The following TNR variants were observed in gnomAD, a reference collection of about 807,000 sequenced individuals.
TNR encodes the protein tenascin-R.
TNR carries 45 observed loss-of-function variants against 150.4 expected under a neutral mutation model. The observed-to-expected ratio is 0.30, with a 90% confidence interval of 0.24 to 0.38. The LOEUF (loss-of-function observed/expected upper bound fraction) is 0.38, where lower values mean the gene tolerates loss of function less well. TNR is among the 10% of genes least tolerant of loss of function. TNR has a pLI of 1.00. For missense variants in TNR, 1,544 were observed against 1,759.1 expected (o/e 0.88, Z 2.19); for synonymous variants, 687 against 678.4 (o/e 1.01, Z -0.20).
rs189297662 is a variant in TNR, at chr1:175,642,125, T to C, written c.-165+101101A>G. 2.6e-5 allele frequency among the ~76,000 whole-genome samples: 4 copies of C among 152,108 alleles called. No homozygotes were observed. The East Asian group carries it at 7.7e-4, about 29-fold the overall frequency. On this transcript the variant is annotated intron_variant, in intron 1 of 22. Transcript: ENST00000367674. ...GGGCCTGCAACTCAGCCCAAATGGA[T>C]AAGAAATGACAACCAGAAGGGAAGA...
intron 1 of TNR, among the ~76,000 whole-genome samples, chr1:175,564,086 G>C (rs116608810): frequency 1.3e-5 from 2 of 152,202 alleles, no homozygotes; most frequent in Admixed American, 1.3e-4. Flanking sequence ...ATAATTATTA[G>C]CTTTAAAAGT....
At chr1:175,565,480 G>T (rs778616442) in intron 1 of TNR, among the ~76,000 whole-genome samples, 12 of 152,226 alleles carry the variant, frequency 7.9e-5, no homozygotes, top group Non-Finnish European at 1.3e-4. Flanking sequence ...CCCACTGGGA[G>T]CAATTCCACG....
At chr1:175,590,916 G>C (rs567799953) in intron 1 of TNR, among the ~76,000 whole-genome samples, 1 of 152,312 alleles carries the variant, frequency 6.6e-6, no homozygotes, top group African/African-American at 2.4e-5. Flanking sequence ...AGGATCTCAC[G>C]CTAGTTATAG....
intron 2 of TNR, among the ~76,000 whole-genome samples, chr1:175,497,216 C>T (rs1658526180): frequency 6.6e-6 from 1 of 152,210 alleles, no homozygotes; most frequent in Admixed American, 6.5e-5. Context: ...CCCTCTCTTT[C>T]CTCTTCCCTT....
At position 175,398,196 on chromosome 1, in the gene TNR, T is replaced by C. The variant is rs541903436; in HGVS notation, c.977-1389A>G. 1.3e-4 allele frequency among the ~76,000 whole-genome samples: 20 copies of C among 152,228 alleles called. No individual in the cohort carries two copies. The South Asian group carries it at 1.9e-3, about 14-fold the overall frequency. ...GAGACACAAGGAGACCTTTAACAGATCCAAGACTCACAGGATAGAATCAGC... is the reference window on the plus strand; with the variant it reads ...GAGACACAAGGAGACCTTTAACAGACCCAAGACTCACAGGATAGAATCAGC... On this transcript the variant is annotated intron_variant, in intron 4 of 22. Coordinates refer to ENST00000367674, the MANE Select transcript of TNR (RefSeq NM_003285.3).
rs115775992 is a variant in TNR, at chr1:175,461,438, A to T, written c.-63-54661T>A. Among the ~76,000 whole-genome samples, 604 of 152,240 alleles carry T rather than the reference A, an allele frequency of 4.0e-3. 5 individuals are homozygous for T. The highest frequency in any genetic ancestry group is 0.014 in the African/African-American group (573 of 41,550). On this transcript the variant is annotated intron_variant, in intron 2 of 22. Transcript: ENST00000367674. ...GAGTGTCTAAAATTTTAAATATTAG[A>T]TTCACTTCCCCCAAAATTAGATAAC...
At chr1:175,589,933 A>G (rs963017845) in intron 1 of TNR, among the ~76,000 whole-genome samples, 4 of 152,208 alleles carry the variant, frequency 2.6e-5, no homozygotes, top group Non-Finnish European at 1.5e-5. Flanking sequence ...CCACCATGGC[A>G]TGTGTATACC....
intron 1 of TNR, among the ~76,000 whole-genome samples, chr1:175,643,105 T>G (rs2101882774): frequency 6.6e-6 from 1 of 152,290 alleles, no homozygotes; most frequent in East Asian, 1.9e-4. Flanking sequence ...ATGATGTTTC[T>G]CTCATTTCTC....
At chr1:175,717,561 C>G (rs984689006) in intron 1 of TNR, among the ~76,000 whole-genome samples, 1 of 152,110 alleles carries the variant, frequency 6.6e-6, no homozygotes, top group Non-Finnish European at 1.5e-5. Context: ...TGAATAAAGG[C>G]GTGAATATAT....
chr1:175,545,759 G>A (rs1025666802), intron 1 of TNR, among the ~76,000 whole-genome samples: 2 of 152,172 alleles, frequency 1.3e-5, no homozygotes, highest in South Asian at 2.1e-4. Flanking sequence ...AACTTATTCC[G>A]ATTCACACAG....
chr1:175,439,041 A>G (rs1274647758), intron 2 of TNR, among the ~76,000 whole-genome samples: 1 of 152,216 alleles, frequency 6.6e-6, no homozygotes, highest in Non-Finnish European at 1.5e-5. Flanking sequence ...GTTCATATGG[A>G]ACAAAAAATG....
intron 2 of TNR, among the ~76,000 whole-genome samples, chr1:175,441,562 T>C (rs769132704): frequency 2.6e-4 from 40 of 152,340 alleles, no homozygotes; most frequent in Non-Finnish European, 5.1e-4. Context: ...GACAACATTC[T>C]GCCAGCTATA....
intron 3 of TNR, among the ~76,000 whole-genome samples, chr1:175,405,312 G>A (rs1653895298): frequency 6.6e-6 from 1 of 152,154 alleles, no homozygotes; most frequent in South Asian, 2.1e-4. Flanking sequence ...ATAACTTCTT[G>A]TTGCTCTAGT....
In TNR at chr1:175,386,227, G is replaced by C. The variant is rs929965627; in HGVS notation, c.1582C>G (p.Arg528Gly). Residue 528 changes from arginine to glycine, a missense_variant, in exon 8 of 23, where the codon CGA (arginine) becomes GGA (glycine). Arg to Gly is a moderately radical substitution (Grantham distance 125). Coordinates refer to ENST00000367674, the MANE Select transcript of TNR (RefSeq NM_003285.3). ...AAAAGAATGAAATCGACTTTGGCTC[G>C]AGGGGGAATCCACTCCACAAAAGCC... The part of the protein sequence containing the change: ...TVAFVEWIPP[R>G]AKVDFILLKY... 2 of 1,609,492 alleles carry C rather than the reference G, an allele frequency of 1.2e-6. No homozygotes were observed. Among genetic ancestry groups the C allele is most frequent in the Non-Finnish European group, 1.7e-6 (2 of 1,176,386 alleles).
chr1:175,621,632 T>C (rs1237191928), intron 1 of TNR, among the ~76,000 whole-genome samples: 1 of 152,248 alleles, frequency 6.6e-6, no homozygotes, highest in East Asian at 1.9e-4. Context: ...TAGCACTTGC[T>C]TGATAAACTC....
At chr1:175,643,589 T>A (rs987987297) in intron 1 of TNR, among the ~76,000 whole-genome samples, 8 of 152,170 alleles carry the variant, frequency 5.3e-5, no homozygotes, top group African/African-American at 1.9e-4. Flanking sequence ...AAAGGATGGT[T>A]TGTTTGAAGG....
chr1:175,626,466 C>A (rs984106985), intron 1 of TNR, among the ~76,000 whole-genome samples: 1 of 152,176 alleles, frequency 6.6e-6, no homozygotes, highest in African/African-American at 2.4e-5. Context: ...TGGGCTCTTG[C>A]ATTTCATAGC....
chr1:175,541,739 A>G (rs552853029), intron 1 of TNR, among the ~76,000 whole-genome samples: 1 of 152,264 alleles, frequency 6.6e-6, no homozygotes, highest in South Asian at 2.1e-4. Context: ...AGGTGTGGAG[A>G]AAAGCATGTA....
In TNR at chr1:175,406,432, C is replaced by G. The variant is rs148934032; in HGVS notation, c.283G>C (p.Asp95His). The G allele has an allele frequency of 3.7e-6, 6 of 1,614,174 alleles. No individual in the cohort carries two copies. The African/African-American group carries it at 8.0e-5, about 22-fold the overall frequency. ...ASAEQEVSAEDETLAEYMGQT... is the reference protein window; with the variant it reads ...ASAEQEVSAEHETLAEYMGQT... ...CCCATGTACTCTGCCAGAGTCTCGT[C>G]TTCTGCACTCACCTCCTGCTCAGCA... Residue 95 changes from aspartate (D) to histidine (H), a missense_variant, in exon 3 of 23, where the codon GAC (aspartate) becomes CAC (histidine). Around this residue, in one of 2 missense-constraint regions of TNR, gnomAD observed 1,254 missense variants for 1,329.4 expected, o/e 0.94. Coordinates refer to ENST00000367674, the MANE Select transcript of TNR (RefSeq NM_003285.3).
Sources: allele counts gnomAD v4.1 joint callset (sites outside exome capture counted in the v4.1 genomes callset), GRCh38; gene constraint gnomAD v4.1.1; regional missense constraint gnomAD v4.1.1; transcripts MANE v1.5; gene names NCBI Gene and HGNC (gene_info 2026-07-23, HGNC 2026-07-21).